The following MYF5 variants were observed in gnomAD, a reference collection of about 807,000 sequenced individuals.
The protein encoded by MYF5 is class C basic helix-loop-helix protein 2.
MYF5 carries 20 observed loss-of-function variants against 22.3 expected under a neutral mutation model. The ratio of observed to expected loss-of-function variants is 0.90; its 90% CI spans 0.63 to 1.30. MYF5 has a LOEUF of 1.30. Ranked by LOEUF, MYF5 falls within the 50% of genes most tolerant of loss-of-function variation. MYF5 has a pLI of 0.00. For missense variants in MYF5, 348 were observed against 325.9 expected (o/e 1.07, Z -0.52); for synonymous variants, 141 against 128.4 (o/e 1.10, Z -0.66).
At chr12:80,718,003 C>T (rs1191981387) in intron 1 of MYF5, among the ~76,000 whole-genome samples, 3 of 152,138 alleles carry the variant, frequency 2.0e-5, no homozygotes, top group Non-Finnish European at 4.4e-5. Context: ...TTTTAGAGGG[C>T]GTTTGCTCCA....
In MYF5 at chr12:80,717,009, G is replaced by A. The variant is rs887992267; in HGVS notation, c.-55G>A. The A allele has an allele frequency of 1.9e-6, 3 of 1,544,586 alleles. No homozygotes were observed. Among genetic ancestry groups the A allele is most frequent in the South Asian group, 2.4e-5 (2 of 82,660 alleles). Reference sequence around the variant, plus strand: ...CCATCGGCGGAGGCGCCAGGCTCCCGTTTCTCCCCATCCCTCTCGCTGCCG... The same window carrying A: ...CCATCGGCGGAGGCGCCAGGCTCCCATTTCTCCCCATCCCTCTCGCTGCCG... On this transcript the variant is annotated 5_prime_UTR_variant, in exon 1 of 3. Coordinates refer to ENST00000228644, the MANE Select transcript of MYF5 (RefSeq NM_005593.3).
chr12:80,716,988 C>T lies in MYF5; in HGVS notation c.-76C>T. On this transcript the variant is annotated 5_prime_UTR_variant, in exon 1 of 3. Coordinates refer to ENST00000228644, the MANE Select transcript of MYF5 (RefSeq NM_005593.3). ...GGAGCTCCGCCCGGGATTTGCCCATCGGCGGAGGCGCCAGGCTCCCGTTTC... is the reference window on the plus strand; with the variant it reads ...GGAGCTCCGCCCGGGATTTGCCCATTGGCGGAGGCGCCAGGCTCCCGTTTC... 6.6e-7 allele frequency: 1 copy of T among 1,518,694 alleles called. No individual in the cohort carries two copies. The highest frequency in any genetic ancestry group is 8.8e-7 in the Non-Finnish European group (1 of 1,132,906). 94.1% of individuals were successfully genotyped at this position (1,518,694 alleles called of 1,614,324 possible).
At chr12:80,718,727 T>C (rs1471939768) in intron 2 of MYF5, 134 bp from the exon 3 acceptor site, 4 of 775,744 alleles carry the variant, frequency 5.2e-6, no homozygotes, top group Non-Finnish European at 6.2e-6. Context: ...GTTGCAAATT[T>C]CTATGTTAGG....
chr12:80,717,631 ACC>A, intron 1 of MYF5, 67 bp downstream of exon 1: 1 of 1,547,094 alleles, frequency 6.5e-7, no homozygotes, highest in Non-Finnish European at 8.8e-7. Context: ...ACCTCATTTA[ACC>A]TGGTGTGGTG....
At chr12:80,718,040 GCCCTGGGAAAGTGTTCTTT>G (rs2121360048) in intron 1 of MYF5, among the ~76,000 whole-genome samples, 1 of 152,240 alleles carries the variant, frequency 6.6e-6, no homozygotes, top group South Asian at 2.1e-4. Flanking sequence ...ATGTGTTTTT[GCCCTGGGAAAGTGTTCTTT>G]CCCTGAATTA....
At chr12:80,717,884 T>A (rs746279781) in intron 1 of MYF5, among the ~76,000 whole-genome samples, 4 of 152,160 alleles carry the variant, frequency 2.6e-5, no homozygotes, top group Non-Finnish European at 5.9e-5. Flanking sequence ...TGCCCTACGC[T>A]AATATCTAAA....
chr12:80,717,641 G>A (rs1868642665), intron 1 of MYF5, 77 bp downstream of exon 1: 2 of 1,501,742 alleles, frequency 1.3e-6, no homozygotes, highest in Admixed American at 2.0e-5. Context: ...ACCTGGTGTG[G>A]TGGGGAGAGT....
At position 80,717,047 on chromosome 12, in the gene MYF5, G is replaced by A; in HGVS notation, c.-17G>A. Reference sequence around the variant, plus strand: ...CCTCTCGCTGCCGTCCAGGTGCACCGCCTGCCTCTCAGCAGGATGGACGTG... The same window carrying A: ...CCTCTCGCTGCCGTCCAGGTGCACCACCTGCCTCTCAGCAGGATGGACGTG... On this transcript the variant is annotated 5_prime_UTR_variant, in exon 1 of 3. Coordinates refer to ENST00000228644, the MANE Select transcript of MYF5 (RefSeq NM_005593.3). 6.3e-7 allele frequency: 1 copy of A among 1,581,524 alleles called. No homozygotes were observed. The highest frequency in any genetic ancestry group is 8.6e-7 in the Non-Finnish European group (1 of 1,164,542).
At chr12:80,718,243 A>G (rs1868654985) in intron 1 of MYF5, 115 bp from the exon 2 acceptor site, 1 of 823,398 alleles carries the variant, frequency 1.2e-6, no homozygotes, top group Non-Finnish European at 2.1e-6. Flanking sequence ...AAGGCAGTGA[A>G]GGTGATTGAC....
At position 80,718,349 on chromosome 12, in the gene MYF5, G is replaced by C. The variant is rs1287193798; in HGVS notation, c.502-9G>C. ...GAAAACAAACTTTGTTGTGTGTCTT[G>C]TATTATAGCCCGAATGTAACAGTCC... On this transcript the variant is annotated splice_polypyrimidine_tract_variant and intron_variant, in intron 1 of 2. Coordinates refer to ENST00000228644, the MANE Select transcript of MYF5 (RefSeq NM_005593.3). The C allele has an allele frequency of 6.2e-7, 1 of 1,613,212 alleles. No individual in the cohort carries two copies. Among genetic ancestry groups the C allele is most frequent in the East Asian group, 2.2e-5 (1 of 44,882 alleles).
At position 80,717,177 on chromosome 12, in the gene MYF5, C is replaced by G; in HGVS notation, c.114C>G (p.Ala38=). Residue 38 remains alanine (A), a synonymous_variant, in exon 1 of 3, where the codon GCC becomes GCG. Coordinates refer to ENST00000228644, the MANE Select transcript of MYF5 (RefSeq NM_005593.3). The part of the protein sequence containing the change: ...FGDEFVPRVA[A]FGAHKAELQG... ...ACGAGTTTGTGCCGCGAGTGGCTGC[C>G]TTCGGAGCGCACAAAGCAGAGCTGC... The G allele has an allele frequency of 3.1e-6, 5 of 1,614,026 alleles. No individual in the cohort carries two copies. The highest frequency in any genetic ancestry group is 4.2e-6 in the Non-Finnish European group (5 of 1,180,020).
At chr12:80,717,762 T>A (rs191925230) in intron 1 of MYF5, among the ~76,000 whole-genome samples, 198 bp downstream of exon 1, 1 of 152,328 alleles carries the variant, frequency 6.6e-6, no homozygotes, top group East Asian at 1.9e-4. Flanking sequence ...TAGCAGGTTC[T>A]AGGTGTACAC....
Position 80,719,022 on chromosome 12 carries a change from A to G in MYF5, c.739A>G (p.Ser247Gly), listed in dbSNP as rs145360752. 8.5e-5 allele frequency: 137 copies of G among 1,614,004 alleles called. No homozygotes were observed. The highest frequency in any genetic ancestry group is 1.1e-4 in the Non-Finnish European group (133 of 1,180,028). The change falls in exon 3 of 3, where the codon AGT becomes GGT. Residue 247 changes from serine to glycine, a missense_variant. Coordinates refer to ENST00000228644, the MANE Select transcript of MYF5 (RefSeq NM_005593.3). ...ACAGCCTGCAACTCCAGGGGCTTCT[A>G]GTTCCAGGCTTATCTATCATGTGCT... ...DSQPATPGAS[S>G]SRLIYHVL
In MYF5 at chr12:80,719,403, A is replaced by G. The variant is rs1868692754; in HGVS notation, c.*352A>G. ...GCTCATCAAAATGTCTCTGGTGTTT[A>G]GAGCTTTATTTTTTTCTTTAAAACA... On this transcript the variant is annotated 3_prime_UTR_variant, in exon 3 of 3. Coordinates refer to ENST00000228644, the MANE Select transcript of MYF5 (RefSeq NM_005593.3). The G allele has an allele frequency of 6.6e-6, 1 of 151,204 alleles. No individual in the cohort carries two copies. The highest frequency in any genetic ancestry group is 1.5e-5 in the Non-Finnish European group (1 of 67,972). The allele number at this position is 151,204 out of a possible 1,614,324, so 9.4% of individuals were successfully genotyped here. A position where few individuals can be genotyped will look rare whatever the true frequency, so the allele number is the denominator to read the frequency against.
chr12:80,717,201 G>C lies in MYF5; in HGVS notation c.138G>C (p.Leu46=). 1.2e-6 allele frequency: 2 copies of C among 1,614,038 alleles called. No individual in the cohort carries two copies. The highest frequency in any genetic ancestry group is 1.7e-6 in the Non-Finnish European group (2 of 1,180,004). The part of the protein sequence containing the change: ...VAAFGAHKAE[L]QGSDEDEHVR... Reference sequence around the variant, plus strand: ...CCTTCGGAGCGCACAAAGCAGAGCTGCAGGGCTCAGATGAGGACGAGCACG... The same window carrying C: ...CCTTCGGAGCGCACAAAGCAGAGCTCCAGGGCTCAGATGAGGACGAGCACG... The change falls in exon 1 of 3, where the codon CTG becomes CTC. Residue 46 remains leucine, a synonymous_variant. Transcript: ENST00000228644.
At position 80,719,534 on chromosome 12, in the gene MYF5, C is replaced by T. The variant is rs937146318; in HGVS notation, c.*483C>T. ...GTATTAAATAAAAATATAATACTGC[C>T]TAATGTATATATTTTGATCTTTTCT... On this transcript the variant is annotated 3_prime_UTR_variant, in exon 3 of 3. Transcript: ENST00000228644. 6.6e-6 allele frequency: 1 copy of T among 151,640 alleles called. No homozygotes were observed. The highest frequency in any genetic ancestry group is 1.5e-5 in the Non-Finnish European group (1 of 67,902). The allele number at this position is 151,640 out of a possible 1,614,324, so 9.4% of individuals were successfully genotyped here. A position where few individuals can be genotyped will look rare whatever the true frequency, so the allele number is the denominator to read the frequency against.
At position 80,718,959 on chromosome 12, in the gene MYF5, G is replaced by A. The variant is rs753011794; in HGVS notation, c.676G>A (p.Asp226Asn). ...SSEQPGLPLQ[D>N]LASLSPVAST... ...AGAGCAACCTGGGTTGCCTCTCCAG[G>A]ATCTGGCTTCTCTCTCTCCAGTTGC... Residue 226 changes from aspartate to asparagine, a missense_variant, in exon 3 of 3, where the codon GAT becomes AAT. Asp to Asn is a conservative substitution (Grantham distance 23). Coordinates refer to ENST00000228644, the MANE Select transcript of MYF5 (RefSeq NM_005593.3). 4.3e-6 allele frequency: 7 copies of A among 1,614,066 alleles called. No individual in the cohort carries two copies. The highest frequency in any genetic ancestry group is 5.1e-6 in the Non-Finnish European group (6 of 1,180,008).
At position 80,717,016 on chromosome 12, in the gene MYF5, C is replaced by T. The variant is rs1868616963; in HGVS notation, c.-48C>T. 3 of 1,555,076 alleles carry T rather than the reference C, an allele frequency of 1.9e-6. No individual in the cohort carries two copies. Among genetic ancestry groups the T allele is most frequent in the Non-Finnish European group, 2.6e-6 (3 of 1,152,358 alleles). ...CGGAGGCGCCAGGCTCCCGTTTCTC[C>T]CCATCCCTCTCGCTGCCGTCCAGGT... On this transcript the variant is annotated 5_prime_UTR_variant, in exon 1 of 3. Coordinates refer to ENST00000228644, the MANE Select transcript of MYF5 (RefSeq NM_005593.3).
chr12:80,718,519 TG>T, intron 2 of MYF5, 86 bp downstream of exon 2: 1 of 1,194,610 alleles, frequency 8.4e-7, no homozygotes, highest in Non-Finnish European at 1.2e-6. Flanking sequence ...CTGATAGTAT[TG>T]GGGAAGGGAG....
Sources: gnomAD v4.1 joint callset for allele counts (sites outside exome capture counted in the v4.1 genomes callset) on GRCh38, gnomAD v4.1.1 for gene constraint, MANE v1.5 for transcripts, NCBI Gene and HGNC (gene_info 2026-07-23, HGNC 2026-07-21) for gene names.